GLT8D2: variants seen among roughly 807,000 people sequenced by gnomAD.
The protein encoded by GLT8D2 is glycosyltransferase 8 domain containing 2.
A neutral mutation model predicts 44.5 loss-of-function variants in GLT8D2; 45 were observed. The ratio of observed to expected loss-of-function variants is 1.01; its 90% confidence interval spans 0.80 to 1.30. GLT8D2 has a LOEUF of 1.30. GLT8D2 is among the 50% of genes most tolerant of loss of function. GLT8D2 has a pLI of 0.00. For missense variants in GLT8D2, 400 were observed against 430.4 expected, an observed-to-expected ratio of 0.93 and a Z score of 0.62; for synonymous variants, 156 against 157.2, an observed-to-expected ratio of 0.99 and a Z score of 0.06.
At chr12:103,995,465 G>A (rs1490159998) in intron 8 of GLT8D2, among the ~76,000 whole-genome samples, 1 of 152,074 alleles carries the variant, frequency 6.6e-6, no homozygotes, top group Admixed American at 6.6e-5. Flanking sequence ...TGCACAGGTG[G>A]TTCCCTCAAT....
At position 103,993,640 on chromosome 12, in the gene GLT8D2, A is replaced by G. The variant is rs1031525813; in HGVS notation, c.768-136T>C. On this transcript the variant is annotated intron_variant, in intron 9 of 10. Coordinates refer to ENST00000360814, the MANE Select transcript of GLT8D2 (RefSeq NM_001384711.1). ...ACTTATGGCCTTTCATTCTCCCCCA[A>G]ATTTTCATTTTGAAAATTGTCAAAC... 56 of 600,708 alleles carry G rather than the reference A, an allele frequency of 9.3e-5. 1 individual carries two copies. The highest frequency in any genetic ancestry group is 6.1e-4 in the African/African-American group (32 of 52,756). 37.2% of individuals were successfully genotyped at this position (600,708 alleles called of 1,614,324 possible). A position where few individuals can be genotyped will look rare whatever the true frequency, so the allele number is the denominator to read the frequency against.
chr12:104,037,155 T>C, intron 1 of GLT8D2, among the ~76,000 whole-genome samples: 1 of 152,162 alleles, frequency 6.6e-6, no homozygotes, highest in Non-Finnish European at 1.5e-5. Context: ...CTGGGACACA[T>C]TTAAAGCAGT....
chr12:103,994,190 CT>C, intron 9 of GLT8D2, 144 bp downstream of exon 9: 1 of 651,284 alleles, frequency 1.5e-6, no homozygotes. Context: ...TGACTGCCCC[CT>C]TTTCTTTCTT....
intron 1 of GLT8D2, among the ~76,000 whole-genome samples, chr12:104,025,689 C>T (rs1171262265): frequency 1.3e-5 from 2 of 152,176 alleles, no homozygotes; most frequent in East Asian, 3.8e-4. Flanking sequence ...AATCTTTTAG[C>T]ATATGGTTAT....
chr12:104,007,233 GCTCTCTCT>G lies in GLT8D2; in HGVS notation c.113-3935_113-3928del, dbSNP rs57109528. On this transcript the variant is annotated intron_variant, in intron 4 of 10. Coordinates refer to ENST00000360814, the MANE Select transcript of GLT8D2 (RefSeq NM_001384711.1). ...AGTACTCATCTGATTTATACTTAAA[GCTCTCTCT>G]CTCTCTCTCTCTCTCTCTCTCTCTC... 9.2e-4 allele frequency among the ~76,000 whole-genome samples: 61 copies of G among 66,356 alleles called. 1 individual carries two copies. Among genetic ancestry groups the G allele is most frequent in the South Asian group, 6.7e-3 (7 of 1,050 alleles). 43.5% of individuals were successfully genotyped at this position (66,356 alleles called of 152,430 possible).
intron 1 of GLT8D2, among the ~76,000 whole-genome samples, chr12:104,039,130 A>G (rs968594305): frequency 3.3e-5 from 5 of 152,226 alleles, no homozygotes; most frequent in African/African-American, 9.6e-5. Context: ...CTTACACCTT[A>G]TACAAAAATT....
intron 3 of GLT8D2, among the ~76,000 whole-genome samples, 163 bp from the exon 4 acceptor site, chr12:104,015,268 C>T (rs548217720): frequency 6.6e-6 from 1 of 152,120 alleles, no homozygotes; most frequent in Non-Finnish European, 1.5e-5. Context: ...ATTAACCTGG[C>T]CAGGTGTGGT....
chr12:103,989,604 T>C lies in GLT8D2; in HGVS notation c.881-27A>G, dbSNP rs149680129. On this transcript the variant is annotated intron_variant, in intron 10 of 10. Transcript: ENST00000360814. The stretch of plus-strand genomic sequence containing the variant: ...TTCATTGTGTATAGAGAAAAAATAA[T>C]AGGCTTGTTAGAGAATAACATTTTT... 119 of 1,543,108 alleles carry C rather than the reference T, an allele frequency of 7.7e-5. 1 individual carries two copies. In the African/African-American group the frequency reaches 1.3e-3, roughly 17 times the overall value.
upstream of GLT8D2, among the ~76,000 whole-genome samples, chr12:104,054,744 G>C (rs1292344390): frequency 6.6e-6 from 1 of 152,056 alleles, no homozygotes; most frequent in Non-Finnish European, 1.5e-5. Flanking sequence ...CTGGCAAAGA[G>C]CTCTTTGGTG....
intron 1 of GLT8D2, among the ~76,000 whole-genome samples, chr12:104,047,222 G>A (rs1474987200): frequency 6.6e-6 from 1 of 152,002 alleles, no homozygotes; most frequent in East Asian, 1.9e-4. Flanking sequence ...TCAGTGCCTG[G>A]TGGGGGCCTA....
intron 4 of GLT8D2, among the ~76,000 whole-genome samples, chr12:104,004,041 G>T (rs572240523): frequency 6.6e-6 from 1 of 152,084 alleles, no homozygotes; most frequent in Non-Finnish European, 1.5e-5. Flanking sequence ...ATAATCAAGT[G>T]CGCTTCATCC....
intron 1 of GLT8D2, among the ~76,000 whole-genome samples, chr12:104,026,735 A>AATT (rs1171129673): frequency 1.3e-5 from 2 of 152,210 alleles, no homozygotes; most frequent in African/African-American, 4.8e-5. Flanking sequence ...ACATTTTGCC[A>AATT]ATTACCCCAG....
chr12:103,999,857 G>A (rs550929627), intron 5 of GLT8D2, among the ~76,000 whole-genome samples: 18 of 152,208 alleles, frequency 1.2e-4, no homozygotes, highest in Admixed American at 9.8e-4. Context: ...TACTATCTTC[G>A]CCACGTGGTA....
At chr12:104,012,024 A>G (rs1199418510) in intron 4 of GLT8D2, among the ~76,000 whole-genome samples, 1 of 151,770 alleles carries the variant, frequency 6.6e-6, no homozygotes, top group Non-Finnish European at 1.5e-5. Flanking sequence ...ATACAAAATT[A>G]GCCAGGCATG....
intron 1 of GLT8D2, chr12:104,031,411 G>A (rs200999248): frequency 4.2e-4 from 669 of 1,610,780 alleles, no homozygotes; most frequent in Non-Finnish European, 5.4e-4. Context: ...TGAACCTGCC[G>A]ACTGGTATTC....
chr12:104,014,806 C>G (rs1026144508), intron 4 of GLT8D2, among the ~76,000 whole-genome samples: 1 of 152,212 alleles, frequency 6.6e-6, no homozygotes, highest in South Asian at 2.1e-4. Flanking sequence ...CTCCATGTGA[C>G]TCTCACACAT....
Position 103,996,779 on chromosome 12 carries a change from C to T in GLT8D2, c.556G>A (p.Asp186Asn), listed in dbSNP as rs7133444. The T allele has an allele frequency of 2.5e-5, 40 of 1,614,036 alleles. No individual in the cohort carries two copies. Among genetic ancestry groups the T allele is most frequent in the Non-Finnish European group, 3.0e-5 (35 of 1,179,994 alleles). Residue 186 changes from aspartate to asparagine, a missense_variant, in exon 8 of 11, where the codon GAT becomes AAT. Physicochemically the swap from Asp to Asn is conservative, Grantham distance 23. Coordinates refer to ENST00000360814, the MANE Select transcript of GLT8D2 (RefSeq NM_001384711.1). The stretch of plus-strand genomic sequence containing the variant: ...TTTATGTCCTGAGCAGAGGGCAAAT[C>T]GCAGTCATCTGAGAAAGCCGCCGCG... Reference protein sequence around the residue: ...GHAAAFSDDCDLPSAQDINRL... With the variant: ...GHAAAFSDDCNLPSAQDINRL...
intron 4 of GLT8D2, 108 bp downstream of exon 4, chr12:104,014,905 G>T: frequency 1.3e-6 from 1 of 741,516 alleles, no homozygotes; most frequent in Admixed American, 2.3e-5. Context: ...CTTGGGAGTT[G>T]ACCAAACTGT....
At chr12:104,051,492 C>T (rs528995057), upstream of GLT8D2, among the ~76,000 whole-genome samples, 2 of 151,938 alleles carry the variant, frequency 1.3e-5, no homozygotes, top group Non-Finnish European at 2.9e-5. Context: ...AATAATTGTA[C>T]ATATTCATGG....
Sources: allele counts gnomAD v4.1 joint callset (sites outside exome capture counted in the v4.1 genomes callset), GRCh38; gene constraint gnomAD v4.1.1; transcripts MANE v1.5; gene names NCBI Gene and HGNC (gene_info 2026-07-23, HGNC 2026-07-21).